Variants in MACROD2 observed in about 807,000 individuals in gnomAD.
MACROD2 encodes the protein ADP-ribose glycohydrolase MACROD2.
Under a neutral mutation model 70.4 loss-of-function variants are expected in MACROD2, and 36 were observed. The ratio of observed to expected loss-of-function variants is 0.51; its 90% CI spans 0.39 to 0.68. The LOEUF (loss-of-function observed/expected upper bound fraction) is 0.68. MACROD2 is among the 30% of genes least tolerant of loss of function. The pLI is 0.00. For synonymous variants in MACROD2, 172 were observed against 178.8 expected, an observed-to-expected ratio of 0.96 and a Z score of 0.30; for missense variants, 496 against 538.4, an observed-to-expected ratio of 0.92 and a Z score of 0.78.
intron 3 of MACROD2, among the ~76,000 whole-genome samples, chr20:14,228,638 A>T (rs2081769062): frequency 6.6e-6 from 1 of 152,222 alleles, no homozygotes; most frequent in African/African-American, 2.4e-5. Flanking sequence ...CATGAAAATG[A>T]TGTAAAAACG....
chr20:14,589,444 A>C (rs1024278739), intron 4 of MACROD2, among the ~76,000 whole-genome samples: 1 of 152,124 alleles, frequency 6.6e-6, no homozygotes, highest in Non-Finnish European at 1.5e-5. Flanking sequence ...TATGCTTTTT[A>C]CATTGAATTC....
intron 4 of MACROD2, among the ~76,000 whole-genome samples, chr20:14,561,048 G>T (rs1979398947): frequency 6.6e-6 from 1 of 151,756 alleles, no homozygotes; most frequent in Non-Finnish European, 1.5e-5. Flanking sequence ...ATTGTTATGT[G>T]CAATAATTAA....
intron 3 of MACROD2, among the ~76,000 whole-genome samples, chr20:14,215,169 T>G (rs1181602172): frequency 6.6e-6 from 1 of 150,766 alleles, no homozygotes; most frequent in African/African-American, 2.4e-5. Context: ...CCATCATATA[T>G]ATATTTTCCA....
At chr20:15,513,055 A>G (rs1338329487) in intron 8 of MACROD2, among the ~76,000 whole-genome samples, 1 of 152,202 alleles carries the variant, frequency 6.6e-6, no homozygotes, top group Non-Finnish European at 1.5e-5. Flanking sequence ...TCCTCCTTCT[A>G]CAAATTTAAA....
intron 8 of MACROD2, among the ~76,000 whole-genome samples, chr20:15,626,558 A>G (rs1317599685): frequency 1.3e-5 from 2 of 152,202 alleles, no homozygotes; most frequent in South Asian, 2.1e-4. Context: ...ATGGAGATTT[A>G]GAAAACTGCA....
At chr20:15,062,791 G>A (rs1004559799) in intron 5 of MACROD2, among the ~76,000 whole-genome samples, 1 of 152,120 alleles carries the variant, frequency 6.6e-6, no homozygotes, top group Non-Finnish European at 1.5e-5. Flanking sequence ...GTGGCAATCC[G>A]AATAGAACTT....
chr20:15,746,468 C>T lies in MACROD2; in HGVS notation c.646-116277C>T, dbSNP rs181780065. 3.4e-3 allele frequency among the ~76,000 whole-genome samples: 513 copies of T among 149,702 alleles called. 2 individuals are homozygous for T. The highest frequency in any genetic ancestry group is 4.8e-3 in the South Asian group (23 of 4,770). On this transcript the variant is annotated intron_variant, in intron 8 of 17. Transcript: ENST00000684519. ...AAAATGACAATTTGATTCTCCAGTT[C>T]CAATTCTATTACCATTTAGTTTTAC...
At chr20:15,915,162 C>T (rs913320655) in intron 10 of MACROD2, among the ~76,000 whole-genome samples, 5 of 152,004 alleles carry the variant, frequency 3.3e-5, no homozygotes, top group Non-Finnish European at 7.4e-5. Flanking sequence ...AAATCATTGG[C>T]CAGTGATGAC....
intron 3 of MACROD2, among the ~76,000 whole-genome samples, chr20:14,248,700 G>T (rs2081986985): frequency 6.6e-6 from 1 of 151,862 alleles, no homozygotes; most frequent in African/African-American, 2.4e-5. Flanking sequence ...CCATCTCCAG[G>T]ATATCTCATT....
At chr20:15,475,375 T>G (rs2047009161) in intron 7 of MACROD2, among the ~76,000 whole-genome samples, 2 of 152,240 alleles carry the variant, frequency 1.3e-5, no homozygotes, top group Admixed American at 6.5e-5. Context: ...GCCATGCTGA[T>G]GAAAGTTTTT....
intron 8 of MACROD2, among the ~76,000 whole-genome samples, chr20:15,595,874 T>C (rs1192990452): frequency 6.6e-6 from 1 of 152,204 alleles, no homozygotes; most frequent in Admixed American, 6.5e-5. Flanking sequence ...AAACTTGAGC[T>C]ATGCCAACGT....
At chr20:15,263,031 G>A (rs887845555) in intron 6 of MACROD2, among the ~76,000 whole-genome samples, 2 of 152,070 alleles carry the variant, frequency 1.3e-5, no homozygotes, top group African/African-American at 4.8e-5. Context: ...TTGTACAGAA[G>A]CTTTTTAATT....
intron 4 of MACROD2, among the ~76,000 whole-genome samples, chr20:14,643,243 C>CA (rs1260332203): frequency 3.3e-5 from 5 of 152,008 alleles, no homozygotes; most frequent in East Asian, 1.9e-4. Flanking sequence ...GGTTTTAAAA[C>CA]AAAAAATAGG....
chr20:15,890,740 T>G lies in MACROD2; in HGVS notation c.775+4929T>G, dbSNP rs532281763. ...AATAGCACATCTATCAAATGTGGGG[T>G]TTTTTTTTGTTCTGTTCCTTTTTTA... On this transcript the variant is annotated intron_variant, in intron 10 of 17. Transcript: ENST00000684519. 1.5e-4 allele frequency among the ~76,000 whole-genome samples: 23 copies of G among 151,272 alleles called. No individual in the cohort carries two copies. The East Asian group carries it at 1.6e-3, about 10-fold the overall frequency.
chr20:15,242,926 AT>A (rs1377521050), intron 6 of MACROD2, among the ~76,000 whole-genome samples: 1 of 152,192 alleles, frequency 6.6e-6, no homozygotes, highest in Non-Finnish European at 1.5e-5. Flanking sequence ...AGGAAACAGA[AT>A]TGGGCAGAGG....
At chr20:15,059,395 A>T (rs1218695619) in intron 5 of MACROD2, among the ~76,000 whole-genome samples, 3 of 151,704 alleles carry the variant, frequency 2.0e-5, no homozygotes, top group Admixed American at 2.0e-4. Context: ...AAAAAAAAAG[A>T]ATAGAAAAAG....
chr20:14,454,325 A>G (rs138943416), intron 3 of MACROD2, among the ~76,000 whole-genome samples: 2 of 151,950 alleles, frequency 1.3e-5, no homozygotes, highest in Non-Finnish European at 2.9e-5. Flanking sequence ...CCTTTACCAT[A>G]TCAACTGTAT....
intron 11 of MACROD2, among the ~76,000 whole-genome samples, chr20:15,935,574 C>A (rs373111750): frequency 9.2e-5 from 14 of 152,304 alleles, no homozygotes; most frequent in East Asian, 3.9e-4. Context: ...AGGCCTCTTA[C>A]ACGTCATGAA....
chr20:14,527,083 G>A (rs1346794905), intron 4 of MACROD2, among the ~76,000 whole-genome samples: 1 of 152,190 alleles, frequency 6.6e-6, no homozygotes, highest in African/African-American at 2.4e-5. Context: ...TTGGGCCTCC[G>A]CTTGGCGGAC....
Sources: allele counts gnomAD v4.1 joint callset (sites outside exome capture counted in the v4.1 genomes callset), GRCh38; gene constraint gnomAD v4.1.1; transcripts MANE v1.5; gene names NCBI Gene and HGNC (gene_info 2026-07-23, HGNC 2026-07-21).